The following UST variants were observed in gnomAD, a reference collection of about 807,000 sequenced individuals.
UST encodes the protein uronyl 2-sulfotransferase, also known as chondroitin sulfate 2-O-sulfotransferase.
Under a neutral mutation model 45.6 loss-of-function variants are expected in UST, and 21 were observed. The ratio of observed to expected loss-of-function variants is 0.46; its 90% CI spans 0.33 to 0.66. The LOEUF (loss-of-function observed/expected upper bound fraction) is 0.66, where lower values mean the gene tolerates loss of function less well. UST is among the 30% of genes least tolerant of loss of function. UST has a pLI of 0.02. For missense variants in UST, 463 were observed against 512.4 expected (o/e 0.90, Z 0.93); for synonymous variants, 215 against 200.6 (o/e 1.07, Z -0.61).
chr6:149,005,843 C>A (rs1205376171), intron 5 of UST, among the ~76,000 whole-genome samples: 1 of 152,172 alleles, frequency 6.6e-6, no homozygotes, highest in Non-Finnish European at 1.5e-5. Context: ...GGATGAAAGG[C>A]CCTCAAGAGA....
At chr6:149,064,218 A>G (rs1032358150) in intron 7 of UST, among the ~76,000 whole-genome samples, 6 of 152,122 alleles carry the variant, frequency 3.9e-5, no homozygotes, top group Non-Finnish European at 8.8e-5. Flanking sequence ...TTAGACTGTG[A>G]GCTCCATCCA....
rs535345402 is a variant in UST, at chr6:148,824,674, CT to C, written c.248-62295del. On this transcript the variant is annotated intron_variant, in intron 1 of 7. Coordinates refer to ENST00000367463, the MANE Select transcript of UST (RefSeq NM_005715.3). ...AATGGGGGTAGATGGTATTTTCTTT[CT>C]TTTTTTTTTTTTTTTTATTATACTC... Among the ~76,000 whole-genome samples the C allele has an allele frequency of 6.2e-3, 820 of 133,326 alleles. 1 individual carries two copies. The highest frequency in any genetic ancestry group is 6.9e-3 in the South Asian group (29 of 4,190). The allele number at this position is 133,326 out of a possible 152,430, so 87.5% of individuals were successfully genotyped here.
chr6:149,016,536 A>G (rs6902477), intron 5 of UST, among the ~76,000 whole-genome samples: 100,063 of 151,592 alleles, frequency 0.66, 33,300 homozygotes, highest in African/African-American at 0.71. Context: ...TAGTCCAGGC[A>G]GGGTGCTGAG....
At chr6:148,869,061 G>A (rs143393495) in intron 1 of UST, among the ~76,000 whole-genome samples, 1,842 of 152,280 alleles carry the variant, frequency 0.012, 20 homozygotes, top group Non-Finnish European at 0.019. Context: ...CCAAGGTTAC[G>A]TCCAATAAGT....
At chr6:148,975,752 A>G (rs1017739573) in intron 5 of UST, among the ~76,000 whole-genome samples, 3 of 152,200 alleles carry the variant, frequency 2.0e-5, no homozygotes, top group African/African-American at 7.2e-5. Flanking sequence ...CCGTTAAGGA[A>G]CCCAACATAC....
chr6:148,860,348 A>G (rs1481478186), intron 1 of UST, among the ~76,000 whole-genome samples: 1 of 152,214 alleles, frequency 6.6e-6, no homozygotes, highest in Non-Finnish European at 1.5e-5. Context: ...TTGATTTTGT[A>G]TCCTGAGACT....
intron 2 of UST, among the ~76,000 whole-genome samples, chr6:148,895,078 A>G (rs1779098788): frequency 6.6e-6 from 1 of 151,924 alleles, no homozygotes. Context: ...GGCCTCCCAA[A>G]CTGCTGGGAT....
chr6:148,769,454 A>G (rs1244559668), intron 1 of UST, among the ~76,000 whole-genome samples: 1 of 152,222 alleles, frequency 6.6e-6, no homozygotes, highest in Non-Finnish European at 1.5e-5. Flanking sequence ...TGGGCTTCAA[A>G]TCAGAAGTCT....
At chr6:148,777,040 C>T (rs1266426254) in intron 1 of UST, among the ~76,000 whole-genome samples, 1 of 152,144 alleles carries the variant, frequency 6.6e-6, no homozygotes, top group East Asian at 1.9e-4. Flanking sequence ...GGAGCAAATA[C>T]AGAACGTGTT....
At position 149,074,079 on chromosome 6, in the gene UST, A is replaced by T. The variant is rs1379737747; in HGVS notation, c.1184A>T (p.Asp395Val). 1.5e-5 allele frequency: 24 copies of T among 1,614,102 alleles called. No individual in the cohort carries two copies. Among genetic ancestry groups the T allele is most frequent in the Non-Finnish European group, 1.9e-5 (23 of 1,180,042 alleles). Residue 395 changes from aspartate to valine, a missense_variant, in exon 8 of 8, where the codon GAT becomes GTT. Coordinates refer to ENST00000367463, the MANE Select transcript of UST (RefSeq NM_005715.3). ...TEEPIDDEEQ[D>V]DEKWLEDIYK... ...GAGCCAATCGACGATGAAGAACAGG[A>T]TGATGAAAAGTGGCTGGAAGATATT...
At chr6:148,875,530 C>T (rs1778631558) in intron 1 of UST, among the ~76,000 whole-genome samples, 1 of 152,156 alleles carries the variant, frequency 6.6e-6, no homozygotes, top group South Asian at 2.1e-4. Flanking sequence ...TGGCTGGGTG[C>T]GGTGGCTCAC....
Position 148,790,747 on chromosome 6 carries a change from G to C in UST, c.247+43070G>C, listed in dbSNP as rs1303558374. 2.0e-5 allele frequency among the ~76,000 whole-genome samples: 3 copies of C among 152,194 alleles called. No homozygotes were observed. The highest frequency in any genetic ancestry group is 4.4e-5 in the Non-Finnish European group (3 of 68,034). On this transcript the variant is annotated intron_variant, in intron 1 of 7. Coordinates refer to ENST00000367463, the MANE Select transcript of UST (RefSeq NM_005715.3). The surrounding 1 kb of genome is among the most constrained non-coding windows in gnomAD (Gnocchi z 4.2). ...CGGGGCATCCCACATCCAATGCCTG[G>C]TTGATGTGGGGATACAAAGGTCTGA... is the stretch of plus-strand genomic sequence containing the variant.
intron 7 of UST, among the ~76,000 whole-genome samples, chr6:149,061,010 C>G (rs533046125): frequency 6.6e-6 from 1 of 152,108 alleles, no homozygotes; most frequent in Non-Finnish European, 1.5e-5. Flanking sequence ...GAAGAGGGCT[C>G]TGGTCAGCGC....
intron 5 of UST, among the ~76,000 whole-genome samples, chr6:149,011,522 C>CA (rs1250740895): frequency 6.6e-6 from 1 of 152,114 alleles, no homozygotes; most frequent in African/African-American, 2.4e-5. Context: ...AGATAACCCC[C>CA]AAAAAAGCAT....
At chr6:148,908,935 T>A (rs990406857) in intron 2 of UST, among the ~76,000 whole-genome samples, 1 of 152,198 alleles carries the variant, frequency 6.6e-6, no homozygotes, top group African/African-American at 2.4e-5. Context: ...TTCTTAAACC[T>A]TAGCAAAAAA....
chr6:148,770,439 T>C (rs1007683021), intron 1 of UST, among the ~76,000 whole-genome samples: 2 of 150,674 alleles, frequency 1.3e-5, no homozygotes, highest in African/African-American at 4.9e-5. Flanking sequence ...CCAGAAACCA[T>C]GGTAGGGGAA....
Position 148,941,286 on chromosome 6 carries a change from C to G in UST, c.299C>G (p.Pro100Arg), listed in dbSNP as rs1209602666. 4 of 1,612,612 alleles carry G rather than the reference C, an allele frequency of 2.5e-6. No individual in the cohort carries two copies. The highest frequency in any genetic ancestry group is 3.4e-6 in the Non-Finnish European group (4 of 1,179,610). ...DHGPPPSKVL[P>R]FPSQVVYNRV... ...TCTTGGTTTTTTTCCCAGGTACTACCTTTCCCAAGCCAGGTGGTGTACAAC... is the reference window on the plus strand; with the variant it reads ...TCTTGGTTTTTTTCCCAGGTACTACGTTTCCCAAGCCAGGTGGTGTACAAC... The change falls in exon 3 of 8, where the codon CCT becomes CGT. Residue 100 changes from proline (P) to arginine (R), a missense_variant. Pro to Arg is a moderately radical substitution (Grantham distance 103). This residue lies in a region of UST where 176 missense variants were observed against 138.3 expected (regional missense o/e 1.27). Coordinates refer to ENST00000367463, the MANE Select transcript of UST (RefSeq NM_005715.3).
chr6:148,947,485 A>G (rs7747823), intron 3 of UST, among the ~76,000 whole-genome samples: 10,059 of 152,326 alleles, frequency 0.066, 398 homozygotes, highest in South Asian at 0.14. Context: ...CCTCACGCAC[A>G]GCCCTAGCAA....
intron 7 of UST, among the ~76,000 whole-genome samples, chr6:149,025,534 A>G (rs1776037969): frequency 6.6e-6 from 1 of 152,228 alleles, no homozygotes; most frequent in South Asian, 2.1e-4. Context: ...ACACTGCTCA[A>G]TCCTGACCAT....
Sources: allele counts gnomAD v4.1 joint callset (sites outside exome capture counted in the v4.1 genomes callset), GRCh38; gene constraint gnomAD v4.1.1; regional missense constraint gnomAD v4.1.1; non-coding constraint Gnocchi (gnomAD v3.1); transcripts MANE v1.5; gene names NCBI Gene and HGNC (gene_info 2026-07-23, HGNC 2026-07-21).